The following PPP6R3 variants were observed in gnomAD, a reference collection of about 807,000 sequenced individuals.
The protein encoded by PPP6R3 is protein phosphatase 6 regulatory subunit 3.
A neutral mutation model predicts 110.7 loss-of-function variants in PPP6R3; 38 were observed. The observed-to-expected ratio is 0.34, with a 90% CI of 0.26 to 0.45. The LOEUF (loss-of-function observed/expected upper bound fraction) is 0.45. PPP6R3 is among the 20% of genes least tolerant of loss of function. PPP6R3 has a pLI of 1.00. For synonymous variants in PPP6R3, 369 were observed against 373.5 expected (o/e 0.99, Z 0.14); for missense variants, 870 against 1,062.4 (o/e 0.82, Z 2.52).
At chr11:68,465,314 C>T (rs1222213541) in intron 1 of PPP6R3, among the ~76,000 whole-genome samples, 1 of 152,214 alleles carries the variant, frequency 6.6e-6, no homozygotes, top group African/African-American at 2.4e-5. Flanking sequence ...ATCCTGCCCA[C>T]TGGTAAGTTG....
At chr11:68,464,178 G>A (rs1186327598) in intron 1 of PPP6R3, among the ~76,000 whole-genome samples, 1 of 152,200 alleles carries the variant, frequency 6.6e-6, no homozygotes, top group African/African-American at 2.4e-5. Flanking sequence ...TGTCGCCCAG[G>A]CTGGAGTGTG....
At chr11:68,499,428 A>G in intron 1 of PPP6R3, among the ~76,000 whole-genome samples, 1 of 152,180 alleles carries the variant, frequency 6.6e-6, no homozygotes, top group Non-Finnish European at 1.5e-5. Flanking sequence ...TCCTGTTCTC[A>G]GGACATGGTG....
chr11:68,548,863 C>T (rs1388720983), intron 5 of PPP6R3, among the ~76,000 whole-genome samples: 2 of 151,938 alleles, frequency 1.3e-5, no homozygotes, highest in Non-Finnish European at 2.9e-5. Context: ...CCATCTCTGC[C>T]TTCTCTTCTT....
At chr11:68,574,279 A>G in intron 13 of PPP6R3, 55 bp downstream of exon 13, 1 of 1,411,922 alleles carries the variant, frequency 7.1e-7, no homozygotes, top group Non-Finnish European at 1.0e-6. Context: ...GGAAGGATTT[A>G]AGGGTCAAGT....
At chr11:68,605,525 A>G (rs1939136688) in intron 22 of PPP6R3, among the ~76,000 whole-genome samples, 1 of 152,236 alleles carries the variant, frequency 6.6e-6, no homozygotes, top group African/African-American at 2.4e-5. Flanking sequence ...TATGAAAAGC[A>G]TGAACTGTAC....
intron 8 of PPP6R3, among the ~76,000 whole-genome samples, chr11:68,562,285 A>G (rs1037481977): frequency 6.6e-6 from 1 of 152,228 alleles, no homozygotes; most frequent in African/African-American, 2.4e-5. Flanking sequence ...ATATTGATGA[A>G]ATCAAAGATG....
intron 9 of PPP6R3, among the ~76,000 whole-genome samples, chr11:68,565,205 GTTTA>G (rs2099456707): frequency 6.6e-6 from 1 of 151,898 alleles, no homozygotes; most frequent in Admixed American, 6.6e-5. Context: ...GATGTTTTCT[GTTTA>G]TTTAACTATT....
Position 68,613,420 on chromosome 11 carries a change from T to TA in PPP6R3, c.*307dup. Reference sequence around the variant, plus strand: ...GTAATAATAGTAGTAATACTATAGTTAAAATGGCTGTAAGAATAGTTTTAT... The same window carrying TA: ...GTAATAATAGTAGTAATACTATAGTTAAAAATGGCTGTAAGAATAGTTTTAT... On this transcript the variant is annotated 3_prime_UTR_variant, in exon 24 of 24. Transcript: ENST00000393800. The TA allele has an allele frequency of 9.3e-7, 1 of 1,077,042 alleles. No homozygotes were observed. The allele number at this position is 1,077,042 out of a possible 1,614,324, so 66.7% of individuals were successfully genotyped here.
In PPP6R3 at chr11:68,615,211, A is replaced by C. The variant is rs1945043767; in HGVS notation, c.*2094A>C. 34 of 393,682 alleles carry C rather than the reference A, an allele frequency of 8.6e-5. No individual in the cohort carries two copies. Among genetic ancestry groups the C allele is most frequent in the South Asian group, 6.2e-4 (33 of 53,300 alleles). 24.4% of individuals were successfully genotyped at this position (393,682 alleles called of 1,614,324 possible). A position where few individuals can be genotyped will look rare whatever the true frequency, so the allele number is the denominator to read the frequency against. On this transcript the variant is annotated 3_prime_UTR_variant, in exon 24 of 24. Coordinates refer to ENST00000393800, the MANE Select transcript of PPP6R3 (RefSeq NM_001164161.2). ...CAAGGACAGGAGCAAGTGTGCCCTC[A>C]TTTTGTTTCTACTTTTAATTTCTGT... is the stretch of plus-strand genomic sequence containing the variant.
At chr11:68,467,283 ATT>A (rs2098755358) in intron 1 of PPP6R3, among the ~76,000 whole-genome samples, 1 of 152,252 alleles carries the variant, frequency 6.6e-6, no homozygotes, top group African/African-American at 2.4e-5. Flanking sequence ...CCACGGGATT[ATT>A]AGTTCCAGAA....
At chr11:68,561,606 A>AT (rs1402749609) in intron 8 of PPP6R3, among the ~76,000 whole-genome samples, 20 of 152,236 alleles carry the variant, frequency 1.3e-4, no homozygotes, top group Admixed American at 1.3e-3. Context: ...AGGCTCATTC[A>AT]TCCTTCAAAA....
intron 10 of PPP6R3, among the ~76,000 whole-genome samples, chr11:68,568,006 T>G (rs1284120126): frequency 6.6e-6 from 1 of 152,126 alleles, no homozygotes; most frequent in Non-Finnish European, 1.5e-5. Context: ...CCATGGCTAG[T>G]GAGCGGTGAA....
rs532517663 is a variant in PPP6R3 at position 68,585,061 on chromosome 11, C to T, written c.1632+1932C>T. ...TTGGGCATCATGTTGATAAAGTCCC[C>T]GAATGTAGAGAGCTCAGGGCAGATA... On this transcript the variant is annotated intron_variant, in intron 15 of 23. Transcript: ENST00000393800. Among the ~76,000 whole-genome samples the T allele has an allele frequency of 2.6e-5, 4 of 152,288 alleles. No homozygotes were observed. The East Asian group carries it at 5.8e-4, about 22-fold the overall frequency.
intron 19 of PPP6R3, 129 bp from the exon 20 acceptor site, chr11:68,600,212 G>A: frequency 9.7e-7 from 1 of 1,030,788 alleles, no homozygotes. Context: ...GTCCGCTCCT[G>A]CCCTCATTGG....
rs765594375 is a variant in PPP6R3 at position 68,603,325 on chromosome 11, A to G, written c.2300-17A>G. 1.9e-6 allele frequency: 3 copies of G among 1,613,168 alleles called. No homozygotes were observed. The highest frequency in any genetic ancestry group is 1.3e-5 in the African/African-American group (1 of 74,962). ...TTCGGGCTTGCTGTGTGTGACCATC[A>G]GCTGTGTTCTTTTCAGCGGCAGGCA... On this transcript the variant is annotated splice_polypyrimidine_tract_variant and intron_variant, in intron 21 of 23. Coordinates refer to ENST00000393800, the MANE Select transcript of PPP6R3 (RefSeq NM_001164161.2).
chr11:68,614,526 A>G lies in PPP6R3; in HGVS notation c.*1409A>G. On this transcript the variant is annotated 3_prime_UTR_variant, in exon 24 of 24. Transcript: ENST00000393800. ...CTGAAAAATGGCCAACAATTTTTTT[A>G]GAAGTAGCATCCCAAGCAGCGTGCC... is the stretch of plus-strand genomic sequence containing the variant. 7.0e-7 allele frequency: 1 copy of G among 1,432,290 alleles called. No homozygotes were observed. Among genetic ancestry groups the G allele is most frequent in the East Asian group, 2.8e-5 (1 of 35,236 alleles). 88.7% of individuals were successfully genotyped at this position (1,432,290 alleles called of 1,614,324 possible). A position where few individuals can be genotyped will look rare whatever the true frequency, so the allele number is the denominator to read the frequency against.
intron 1 of PPP6R3, among the ~76,000 whole-genome samples, chr11:68,497,102 A>C (rs1298771528): frequency 6.6e-6 from 1 of 150,696 alleles, no homozygotes; most frequent in Admixed American, 6.6e-5. Context: ...GCGGGAGTGC[A>C]GTGGTGCGAT....
At chr11:68,564,273 A>G in intron 8 of PPP6R3, 30 bp from the exon 9 acceptor site, 1 of 1,573,802 alleles carries the variant, frequency 6.4e-7, no homozygotes, top group Non-Finnish European at 8.7e-7. Context: ...CTGAAATTAT[A>G]ATAACTAAAA....
intron 2 of PPP6R3, among the ~76,000 whole-genome samples, chr11:68,532,089 C>G (rs1259327942): frequency 6.6e-6 from 1 of 152,206 alleles, no homozygotes; most frequent in Non-Finnish European, 1.5e-5. Flanking sequence ...GTTCCTAGTT[C>G]CTGTGTCAGA....
Sources: gnomAD v4.1 joint callset for allele counts (sites outside exome capture counted in the v4.1 genomes callset) on GRCh38, gnomAD v4.1.1 for gene constraint, MANE v1.5 for transcripts, NCBI Gene and HGNC (gene_info 2026-07-23, HGNC 2026-07-21) for gene names.